BASP1: variants seen among roughly 807,000 people sequenced by gnomAD.
BASP1 encodes the protein brain abundant membrane attached signal protein 1.
In BASP1, 1 loss-of-function variant was observed where a neutral mutation model predicts 2.2. The observed-to-expected ratio is 0.46, with a 90% CI of 0.16 to 2.17. The LOEUF (loss-of-function observed/expected upper bound fraction) is 2.17, where lower values mean the gene tolerates loss of function less well. Ranked by LOEUF, BASP1 falls within the 30% of genes most tolerant of loss-of-function variation. BASP1 has a pLI of 0.27. For missense variants in BASP1, 352 were observed against 327.2 expected, an observed-to-expected ratio of 1.08 and a Z score of -0.58; for synonymous variants, 187 against 154.2, an observed-to-expected ratio of 1.21 and a Z score of -1.58.
At chr5:17,229,878 G>C (rs1442383127) in intron 1 of BASP1, among the ~76,000 whole-genome samples, 1 of 151,388 alleles carries the variant, frequency 6.6e-6, no homozygotes, top group Non-Finnish European at 1.5e-5. Context: ...CTGCCTCCCG[G>C]GTTCAAGCAG....
rs1046706400 is a variant in BASP1 at position 17,255,554 on chromosome 5, G to A, written c.-9-19654G>A. On this transcript the variant is annotated intron_variant, in intron 1 of 1. Coordinates refer to ENST00000322611, the MANE Select transcript of BASP1 (RefSeq NM_006317.5). Reference sequence around the variant, plus strand: ...TGTATTTTGAAACCTCTTGCCCCACGTTGGATGCCTGGTGTCGATCAGGAA... The same window carrying A: ...TGTATTTTGAAACCTCTTGCCCCACATTGGATGCCTGGTGTCGATCAGGAA... Among the ~76,000 whole-genome samples the A allele has an allele frequency of 1.2e-4, 18 of 152,216 alleles. No individual in the cohort carries two copies. In the South Asian group the frequency reaches 3.7e-3, roughly 32 times the overall value.
At chr5:17,270,498 C>T (rs1487359778) in intron 1 of BASP1, among the ~76,000 whole-genome samples, 1 of 152,186 alleles carries the variant, frequency 6.6e-6, no homozygotes, top group Non-Finnish European at 1.5e-5. Context: ...TTTACCTTTA[C>T]AATATGGTGA....
At chr5:17,238,357 C>T (rs973909439) in intron 1 of BASP1, among the ~76,000 whole-genome samples, 9 of 151,940 alleles carry the variant, frequency 5.9e-5, no homozygotes, top group Admixed American at 2.0e-4. Flanking sequence ...GAAGCTGAGT[C>T]TCCCTCCCCT....
rs147257859 is a variant in BASP1 at position 17,224,194 on chromosome 5, G to A, written c.-10+6384G>A. On this transcript the variant is annotated intron_variant, in intron 1 of 1. Transcript: ENST00000322611. ...GTCCTTCTGGACACTTTGTTGTTGA[G>A]CAAAGGTGAATTCACTCTCATTTTG... 2.0e-4 allele frequency among the ~76,000 whole-genome samples: 30 copies of A among 152,310 alleles called. No individual in the cohort carries two copies. In the East Asian group the frequency reaches 4.1e-3, roughly 21 times the overall value.
At chr5:17,222,529 GAGTCCATTTCTCACCAGAATAT>G (rs1236496098) in intron 1 of BASP1, among the ~76,000 whole-genome samples, 1 of 152,120 alleles carries the variant, frequency 6.6e-6, no homozygotes, top group East Asian at 1.9e-4. Context: ...CAACCATACA[GAGTCCATTTCTCACCAGAATAT>G]AGTTCAATTG....
intron 1 of BASP1, among the ~76,000 whole-genome samples, chr5:17,274,235 A>G (rs1246847947): frequency 6.6e-6 from 1 of 152,176 alleles, no homozygotes; most frequent in Non-Finnish European, 1.5e-5. Flanking sequence ...TTATGTTACT[A>G]TAGAACTACT....
At chr5:17,250,350 ATTCTT>A (rs1561171777) in intron 1 of BASP1, among the ~76,000 whole-genome samples, 1 of 152,188 alleles carries the variant, frequency 6.6e-6, no homozygotes, top group East Asian at 1.9e-4. Flanking sequence ...GAACTTGTCT[ATTCTT>A]TTCTGAAATT....
chr5:17,273,752 G>T (rs1023766911), intron 1 of BASP1, among the ~76,000 whole-genome samples: 5 of 152,184 alleles, frequency 3.3e-5, no homozygotes, highest in African/African-American at 1.2e-4. Flanking sequence ...GACCTGACCT[G>T]GGCAAAACCA....
At position 17,275,916 on chromosome 5, in the gene BASP1, G is replaced by C. The variant is rs201900053; in HGVS notation, c.*16G>C. ...GAAAGAGTGACAAGGACAGCCTATAGGAAAAACAATACCACTTAAAACAAT... is the reference window on the plus strand; with the variant it reads ...GAAAGAGTGACAAGGACAGCCTATACGAAAAACAATACCACTTAAAACAAT... On this transcript the variant is annotated 3_prime_UTR_variant, in exon 2 of 2. Transcript: ENST00000322611. The surrounding 1 kb of genome is among the most constrained non-coding windows in gnomAD (Gnocchi z 5.3). 1.3e-6 allele frequency: 2 copies of C among 1,535,972 alleles called. No individual in the cohort carries two copies. The highest frequency in any genetic ancestry group is 4.2e-5 in the Admixed American group (2 of 47,294).
At chr5:17,261,092 G>C (rs1232837333) in intron 1 of BASP1, among the ~76,000 whole-genome samples, 4 of 152,200 alleles carry the variant, frequency 2.6e-5, no homozygotes, top group African/African-American at 9.7e-5. Flanking sequence ...AATGACCAAA[G>C]ATGGATGGTT....
At chr5:17,252,329 G>C (rs1579494283) in intron 1 of BASP1, among the ~76,000 whole-genome samples, 1 of 152,178 alleles carries the variant, frequency 6.6e-6, no homozygotes, top group Admixed American at 6.5e-5. Flanking sequence ...CATGTAATCT[G>C]CTCAAGAGGG....
intron 1 of BASP1, among the ~76,000 whole-genome samples, chr5:17,223,039 T>G (rs1480633849): frequency 6.6e-6 from 1 of 151,876 alleles, no homozygotes; most frequent in East Asian, 1.9e-4. Context: ...TTTTTTTGGT[T>G]CGTTTTGAAG....
At chr5:17,226,567 C>T (rs1739511841) in intron 1 of BASP1, among the ~76,000 whole-genome samples, 3 of 152,204 alleles carry the variant, frequency 2.0e-5, no homozygotes, top group African/African-American at 4.8e-5. Flanking sequence ...AAGGTTTCCT[C>T]GGAGTTATTG....
chr5:17,220,018 T>C (rs1486504230), intron 1 of BASP1, among the ~76,000 whole-genome samples: 1 of 152,228 alleles, frequency 6.6e-6, no homozygotes, highest in Non-Finnish European at 1.5e-5. Context: ...GGTAGTTTGT[T>C]TTTACCACAC....
Position 17,275,526 on chromosome 5 carries a change from C to T in BASP1, c.310C>T (p.Pro104Ser), listed in dbSNP as rs1302139198. 1.1e-5 allele frequency: 16 copies of T among 1,435,262 alleles called. No homozygotes were observed. The allele number at this position is 1,435,262 out of a possible 1,614,324, so 88.9% of individuals were successfully genotyped here. A position where few individuals can be genotyped will look rare whatever the true frequency, so the allele number is the denominator to read the frequency against. ...GGCCAAGGCTGAGCCCCCGAAGGCGCCCGAGCAGGAGCAGGCGGCCCCCGG... is the reference window on the plus strand; with the variant it reads ...GGCCAAGGCTGAGCCCCCGAAGGCGTCCGAGCAGGAGCAGGCGGCCCCCGG... Reference protein sequence around the residue: ...AEAKAEPPKAPEQEQAAPGPA... With the variant: ...AEAKAEPPKASEQEQAAPGPA... Residue 104 changes from proline to serine, a missense_variant, in exon 2 of 2, where the codon CCC (proline) becomes TCC (serine). Coordinates refer to ENST00000322611, the MANE Select transcript of BASP1 (RefSeq NM_006317.5). The surrounding 1 kb of genome is among the most constrained non-coding windows in gnomAD (Gnocchi z 5.3).
At chr5:17,249,048 A>T (rs1299045583) in intron 1 of BASP1, among the ~76,000 whole-genome samples, 1 of 152,164 alleles carries the variant, frequency 6.6e-6, no homozygotes, top group Admixed American at 6.5e-5. Flanking sequence ...CTGTAGACAA[A>T]CACTTATTAA....
At chr5:17,257,882 AGAG>A (rs1740245628) in intron 1 of BASP1, among the ~76,000 whole-genome samples, 6 of 152,240 alleles carry the variant, frequency 3.9e-5, no homozygotes, top group African/African-American at 1.4e-4. Context: ...AGGAGCTTAC[AGAG>A]CCAAACAGCA....
chr5:17,270,238 G>A (rs1740503999), intron 1 of BASP1, among the ~76,000 whole-genome samples: 1 of 152,138 alleles, frequency 6.6e-6, no homozygotes, highest in Admixed American at 6.5e-5. Context: ...GACCTCAGAT[G>A]ATCTGCCCGC....
rs769387931 is a variant in BASP1 at position 17,275,144 on chromosome 5, CT to C, written c.-9-59del. The C allele has an allele frequency of 6.5e-7, 1 of 1,546,704 alleles. No homozygotes were observed. The highest frequency in any genetic ancestry group is 8.8e-7 in the Non-Finnish European group (1 of 1,133,034). Reference sequence around the variant, plus strand: ...GAACCCCTTGCTTTGCAAAATGCAGCTTTTTGTGGTCCCCACACTTGCCTAG... The same window carrying C: ...GAACCCCTTGCTTTGCAAAATGCAGCTTTTGTGGTCCCCACACTTGCCTAG... On this transcript the variant is annotated intron_variant, in intron 1 of 1. Transcript: ENST00000322611. This position sits in a 1 kb window ranked among gnomAD's most constrained non-coding sequence, Gnocchi z 5.3.
Sources: gnomAD v4.1 joint callset for allele counts (sites outside exome capture counted in the v4.1 genomes callset) on GRCh38, gnomAD v4.1.1 for gene constraint, Gnocchi (gnomAD v3.1) non-coding constraint, MANE v1.5 for transcripts, NCBI Gene and HGNC (gene_info 2026-07-23, HGNC 2026-07-21) for gene names.